The following DMRT1 variants were observed in gnomAD, a reference collection of about 807,000 sequenced individuals.
The protein encoded by DMRT1 is doublesex and mab-3 related transcription factor 1.
In DMRT1, 7 loss-of-function variants were observed where a neutral mutation model predicts 32.3. The ratio of observed to expected loss-of-function variants is 0.22; its 90% CI spans 0.12 to 0.41. The LOEUF (loss-of-function observed/expected upper bound fraction) is 0.41. Ranked by LOEUF, DMRT1 falls within the 10% of genes least tolerant of loss-of-function variation. The probability of loss-of-function intolerance (pLI) is 1.00; values close to 1 mark genes in which losing one functional copy is unlikely to be tolerated. For synonymous variants in DMRT1, 278 were observed against 206.1 expected (o/e 1.35, Z -2.99); for missense variants, 625 against 500.5 (o/e 1.25, Z -2.37).
chr9:960,108 A>T (rs1449431593), intron 4 of DMRT1, among the ~76,000 whole-genome samples: 1 of 152,086 alleles, frequency 6.6e-6, no homozygotes, highest in Non-Finnish European at 1.5e-5. Flanking sequence ...CCCTAGCCTG[A>T]TTCAGTGGAG....
chr9:898,945 C>G (rs146504012), intron 3 of DMRT1, among the ~76,000 whole-genome samples: 4 of 152,248 alleles, frequency 2.6e-5, no homozygotes, highest in African/African-American at 4.8e-5. Context: ...TTCGGTTTCT[C>G]TCATCAGTGT....
intron 4 of DMRT1, among the ~76,000 whole-genome samples, chr9:940,365 G>C (rs1819022945): frequency 6.6e-6 from 1 of 151,986 alleles, no homozygotes; most frequent in African/African-American, 2.4e-5. Context: ...CAGACATAGA[G>C]ACCAATAGAC....
intron 3 of DMRT1, among the ~76,000 whole-genome samples, chr9:907,773 G>A (rs903966875): frequency 7.3e-5 from 11 of 151,584 alleles, no homozygotes; most frequent in Admixed American, 2.0e-4. Flanking sequence ...CTTTTATTCT[G>A]TTCTGTTCTA....
At chr9:953,525 A>G (rs1819498807) in intron 4 of DMRT1, among the ~76,000 whole-genome samples, 1 of 152,166 alleles carries the variant, frequency 6.6e-6, no homozygotes, top group Non-Finnish European at 1.5e-5. Flanking sequence ...ATGACAGGAA[A>G]GTTTATCAAG....
intron 4 of DMRT1, among the ~76,000 whole-genome samples, chr9:942,315 C>T (rs1330717672): frequency 6.6e-6 from 1 of 152,122 alleles, no homozygotes; most frequent in African/African-American, 2.4e-5. Flanking sequence ...AATGTGTCAC[C>T]CAGGCTGGAG....
chr9:939,803 T>C (rs1819003880), intron 4 of DMRT1, among the ~76,000 whole-genome samples: 1 of 152,210 alleles, frequency 6.6e-6, no homozygotes, highest in Non-Finnish European at 1.5e-5. Flanking sequence ...ATATTTTTCC[T>C]CTCCCTCCTC....
At chr9:904,564 T>A (rs1817699870) in intron 3 of DMRT1, among the ~76,000 whole-genome samples, 1 of 152,230 alleles carries the variant, frequency 6.6e-6, no homozygotes, top group South Asian at 2.1e-4. Context: ...GTTGATTGTT[T>A]TTATTGAGTG....
At chr9:927,416 C>G (rs978623709) in intron 4 of DMRT1, among the ~76,000 whole-genome samples, 1 of 152,212 alleles carries the variant, frequency 6.6e-6, no homozygotes, top group African/African-American at 2.4e-5. Flanking sequence ...TGAAGCTCGT[C>G]AGCGGCCCTT....
At chr9:913,376 A>G (rs1818056489) in intron 3 of DMRT1, among the ~76,000 whole-genome samples, 1 of 151,458 alleles carries the variant, frequency 6.6e-6, no homozygotes, top group Non-Finnish European at 1.5e-5. Context: ...TAATTGACTT[A>G]AGGAAGTCTA....
intron 4 of DMRT1, among the ~76,000 whole-genome samples, chr9:939,029 T>A (rs1487780682): frequency 2.0e-5 from 3 of 152,244 alleles, no homozygotes; most frequent in Non-Finnish European, 4.4e-5. Context: ...CTTCACTGGT[T>A]AGGTTGGGTT....
chr9:886,777 A>G (rs1816947611), intron 2 of DMRT1, among the ~76,000 whole-genome samples: 1 of 152,210 alleles, frequency 6.6e-6, no homozygotes, highest in African/African-American at 2.4e-5. Context: ...TAATAGGGAC[A>G]CTTAGGCTGG....
chr9:966,839 A>G (rs1819945377), intron 4 of DMRT1, among the ~76,000 whole-genome samples: 1 of 152,238 alleles, frequency 6.6e-6, no homozygotes, highest in Non-Finnish European at 1.5e-5. Context: ...TGCAGCTTCT[A>G]CTATGATTTA....
At chr9:866,627 G>T (rs1816002351) in intron 2 of DMRT1, among the ~76,000 whole-genome samples, 1 of 152,224 alleles carries the variant, frequency 6.6e-6, no homozygotes, top group African/African-American at 2.4e-5. Flanking sequence ...TTATTGGGCT[G>T]ATACACTGAT....
intron 4 of DMRT1, among the ~76,000 whole-genome samples, chr9:954,593 T>G (rs1377215544): frequency 6.6e-6 from 1 of 151,524 alleles, no homozygotes; most frequent in African/African-American, 2.4e-5. Flanking sequence ...GAGAAGTTGG[T>G]AGGTTCAGTT....
chr9:873,071 C>T (rs1025088299), intron 2 of DMRT1, among the ~76,000 whole-genome samples: 6 of 152,222 alleles, frequency 3.9e-5, no homozygotes, highest in Non-Finnish European at 8.8e-5. Context: ...ACCTTTAACC[C>T]AGTCAAGGTG....
chr9:951,806 A>G (rs1819434611), intron 4 of DMRT1, among the ~76,000 whole-genome samples: 1 of 152,220 alleles, frequency 6.6e-6, no homozygotes, highest in African/African-American at 2.4e-5. Context: ...AGGAAGATGC[A>G]GAGGACCAGG....
intron 4 of DMRT1, among the ~76,000 whole-genome samples, chr9:917,872 G>C (rs916538083): frequency 1.3e-5 from 2 of 152,194 alleles, no homozygotes; most frequent in African/African-American, 2.4e-5. Flanking sequence ...GGTCACGGGA[G>C]CCTATGTAGT....
At chr9:897,109 T>C (rs954035135) in intron 3 of DMRT1, among the ~76,000 whole-genome samples, 2 of 148,666 alleles carry the variant, frequency 1.3e-5, no homozygotes, top group Non-Finnish European at 3.0e-5. Context: ...TTATTATTAT[T>C]ATTATTATTA....
At position 841,961 on chromosome 9, in the gene DMRT1, G is replaced by T. The variant is rs771405256; in HGVS notation, c.123G>T (p.Ala41=). 2.4e-5 allele frequency: 38 copies of T among 1,593,754 alleles called. No individual in the cohort carries two copies. Among genetic ancestry groups the T allele is most frequent in the Non-Finnish European group, 3.1e-5 (36 of 1,170,856 alleles). ...AAGCGTCTGGGGCGCTAGTGGGGGC[G>T]GCCAGCGGCTCGAGCGCCGGGGGCA... ...FGKASGALVG[A]ASGSSAGGSS... is the part of the protein sequence containing the mutation. Residue 41 remains alanine (A), a synonymous_variant, in exon 1 of 5, where the codon GCG becomes GCT. Coordinates refer to ENST00000382276, the MANE Select transcript of DMRT1 (RefSeq NM_021951.3).
Sources: allele counts gnomAD v4.1 joint callset (sites outside exome capture counted in the v4.1 genomes callset), GRCh38; gene constraint gnomAD v4.1.1; transcripts MANE v1.5; gene names NCBI Gene and HGNC (gene_info 2026-07-23, HGNC 2026-07-21).